DEPDC5: variants seen among roughly 807,000 people sequenced by gnomAD.
DEPDC5 encodes GATOR1 complex protein DEPDC5.
DEPDC5 carries 73 observed loss-of-function variants against 217.3 expected under a neutral mutation model. That is an observed-to-expected ratio of 0.34 (90% CI 0.28 to 0.41). The LOEUF is 0.41. DEPDC5 is among the 10% of genes least tolerant of loss of function. The pLI is 1.00. For missense variants in DEPDC5, 1,675 were observed against 2,070.1 expected (o/e 0.81, Z 3.70); for synonymous variants, 733 against 756.7 (o/e 0.97, Z 0.51).
At chr22:31,904,373 G>T (rs2093718946) in intron 41 of DEPDC5, among the ~76,000 whole-genome samples, 1 of 152,124 alleles carries the variant, frequency 6.6e-6, no homozygotes, top group Non-Finnish European at 1.5e-5. Context: ...AAGAAATGAG[G>T]TAAAAAAAAA....
At chr22:31,834,096 T>G (rs1438288231) in intron 25 of DEPDC5, 116 bp downstream of exon 25, 1 of 1,018,548 alleles carries the variant, frequency 9.8e-7, no homozygotes, top group African/African-American at 1.6e-5. Context: ...TACACATACC[T>G]CTGGGGTATG....
intron 30 of DEPDC5, 60 bp downstream of exon 30, chr22:31,845,297 C>T: frequency 6.4e-7 from 1 of 1,552,970 alleles, no homozygotes; most frequent in Non-Finnish European, 8.7e-7. Context: ...CTGCCACCTC[C>T]TCTATTAGGG....
In DEPDC5 at chr22:31,902,924, C is replaced by T. The variant is rs545419881; in HGVS notation, c.4436+1122C>T. On this transcript the variant is annotated intron_variant, in intron 41 of 42. Coordinates refer to ENST00000651528, the MANE Select transcript of DEPDC5 (RefSeq NM_001242896.3). Reference sequence around the variant, plus strand: ...TGCTTGCCCTGCTGGCAGGATGTCACTCAGAACGTGGCCTTTATTTGTTAA... The same window carrying T: ...TGCTTGCCCTGCTGGCAGGATGTCATTCAGAACGTGGCCTTTATTTGTTAA... 3.3e-5 allele frequency among the ~76,000 whole-genome samples: 5 copies of T among 152,160 alleles called. No homozygotes were observed. In the South Asian group the frequency reaches 1.0e-3, roughly 32 times the overall value.
In DEPDC5 at chr22:31,879,680, G is replaced by GCCT; in HGVS notation, c.3965_3967dup (p.Ser1322dup). 1 of 1,614,150 alleles carries GCCT rather than the reference G, an allele frequency of 6.2e-7. No homozygotes were observed. The highest frequency in any genetic ancestry group is 8.5e-7 in the Non-Finnish European group (1 of 1,180,028). On this transcript the variant is annotated inframe_insertion, in exon 38 of 43. Transcript: ENST00000651528. Reference sequence around the variant, plus strand: ...CCTGCCCTGGCTGCCTAGCCGGCCAGCCTCCTATGCAAGTAGGCACAGCTC... The same window carrying GCCT: ...CCTGCCCTGGCTGCCTAGCCGGCCAGCCTCCTCCTATGCAAGTAGGCACAGCTC...
intron 38 of DEPDC5, among the ~76,000 whole-genome samples, chr22:31,890,147 C>T (rs2093409489): frequency 6.6e-6 from 1 of 152,152 alleles, no homozygotes; most frequent in Non-Finnish European, 1.5e-5. Context: ...ACCTGATTCT[C>T]ATCCTGTCTC....
At chr22:31,850,404 GT>G (rs1232100224) in intron 31 of DEPDC5, among the ~76,000 whole-genome samples, 1 of 152,062 alleles carries the variant, frequency 6.6e-6, no homozygotes, top group East Asian at 1.9e-4. Flanking sequence ...CCACATTCAC[GT>G]AACTTTTCTT....
rs1343816074 is a variant in DEPDC5 at position 31,812,794 on chromosome 22, G to A, written c.1445+2153G>A. ...TTGCTCTTGTTGCCCAGGCTGGAGTGCAATGGTGTAATCTCAGCTCACCAC... is the reference window on the plus strand; with the variant it reads ...TTGCTCTTGTTGCCCAGGCTGGAGTACAATGGTGTAATCTCAGCTCACCAC... On this transcript the variant is annotated intron_variant, in intron 20 of 42. Transcript: ENST00000651528. Among the ~76,000 whole-genome samples the A allele has an allele frequency of 2.7e-5, 4 of 146,478 alleles. No homozygotes were observed. In the East Asian group the frequency reaches 8.1e-4, roughly 30 times the overall value.
In DEPDC5 at chr22:31,893,570, G is replaced by A; in HGVS notation, c.4034-12G>A. 6.4e-7 allele frequency: 1 copy of A among 1,574,202 alleles called. No homozygotes were observed. Among genetic ancestry groups the A allele is most frequent in the South Asian group, 1.2e-5 (1 of 85,150 alleles). On this transcript the variant is annotated splice_polypyrimidine_tract_variant and intron_variant, in intron 38 of 42. Transcript: ENST00000651528. The stretch of plus-strand genomic sequence containing the variant: ...CTCACTCTCTTGGGGCCCCTCCTGT[G>A]TGCTGACATAGCTGCCACTGTCCCA...
At chr22:31,874,196 C>A in intron 35 of DEPDC5, 77 bp from the exon 36 acceptor site, 1 of 1,534,326 alleles carries the variant, frequency 6.5e-7, no homozygotes, top group Non-Finnish European at 8.8e-7. Context: ...GGAGTCCCTT[C>A]TTTTTCATCT....
chr22:31,840,136 G>A (rs2091300552), intron 27 of DEPDC5, among the ~76,000 whole-genome samples: 1 of 152,206 alleles, frequency 6.6e-6, no homozygotes, highest in African/African-American at 2.4e-5. Flanking sequence ...GATAAAGGCT[G>A]AGGGAGAAGT....
Position 31,876,231 on chromosome 22 carries a change from C to T in DEPDC5, c.3771C>T (p.Phe1257=), listed in dbSNP as rs2092988267. 1.9e-6 allele frequency: 3 copies of T among 1,613,918 alleles called. No homozygotes were observed. The highest frequency in any genetic ancestry group is 2.5e-6 in the Non-Finnish European group (3 of 1,180,030). The part of the protein sequence containing the change: ...AWRTFIYGFY[F]YKIVTDKEPD... ...GGACCTTCATCTACGGCTTCTATTT[C>T]TACAAGATAGTAACGGACAAAGAGC... Residue 1257 remains phenylalanine (F), a synonymous_variant, in exon 37 of 43, where the codon TTC becomes TTT. Coordinates refer to ENST00000651528, the MANE Select transcript of DEPDC5 (RefSeq NM_001242896.3).
At chr22:31,894,784 G>A (rs1036637613) in intron 39 of DEPDC5, 2 of 151,454 alleles carry the variant, frequency 1.3e-5, no homozygotes. Context: ...GATGGAGGTT[G>A]TAGTGAGCCA....
chr22:31,830,633 G>A lies in DEPDC5; in HGVS notation c.2105-3282G>A, dbSNP rs1173182262. On this transcript the variant is annotated intron_variant, in intron 24 of 42. Coordinates refer to ENST00000651528, the MANE Select transcript of DEPDC5 (RefSeq NM_001242896.3). ...GCTTTTTCGGGGTATGCGTGTACGT[G>A]TGTGTGTGTGTGTGTGTGTGTGTGT... Among the ~76,000 whole-genome samples, 10 of 71,050 alleles carry A rather than the reference G, an allele frequency of 1.4e-4. 1 individual carries two copies. The highest frequency in any genetic ancestry group is 8.5e-4 in the South Asian group (2 of 2,358). The allele number at this position is 71,050 out of a possible 152,430, so 46.6% of individuals were successfully genotyped here.
At chr22:31,850,796 C>A (rs1043894481) in intron 31 of DEPDC5, among the ~76,000 whole-genome samples, 1 of 152,076 alleles carries the variant, frequency 6.6e-6, no homozygotes, top group Non-Finnish European at 1.5e-5. Flanking sequence ...TGAGGCCGGG[C>A]GCAGTGGCTC....
rs2087011420 is a variant in DEPDC5, at chr22:31,802,731, A to G, written c.974A>G (p.Asn325Ser). ...NVFDKHYINR[N>S]FDRTGQMSVV... Reference sequence around the variant, plus strand: ...TTTGATAAGCACTACATCAACCGCAACTTTGACCGAACTGGGCAGATGTCA... The same window carrying G: ...TTTGATAAGCACTACATCAACCGCAGCTTTGACCGAACTGGGCAGATGTCA... The change falls in exon 15 of 43, where the codon AAC (asparagine) becomes AGC (serine). Residue 325 changes from asparagine to serine, a missense_variant. Around this residue, in one of 11 missense-constraint regions of DEPDC5, gnomAD observed 628 missense variants for 762.1 expected, o/e 0.82. Coordinates refer to ENST00000651528, the MANE Select transcript of DEPDC5 (RefSeq NM_001242896.3). 1 of 1,591,058 alleles carries G rather than the reference A, an allele frequency of 6.3e-7. No homozygotes were observed. Among genetic ancestry groups the G allele is most frequent in the Non-Finnish European group, 8.6e-7 (1 of 1,169,316 alleles).
rs193042481 is a variant in DEPDC5, at chr22:31,815,161, C to T, written c.1615C>T (p.His539Tyr). The T allele has an allele frequency of 6.2e-7, 1 of 1,614,208 alleles. No individual in the cohort carries two copies. Residue 539 changes from histidine to tyrosine, a missense_variant, in exon 21 of 43, where the codon CAC becomes TAC. Around this residue, in one of 11 missense-constraint regions of DEPDC5, gnomAD observed 628 missense variants for 762.1 expected, o/e 0.82. Coordinates refer to ENST00000651528, the MANE Select transcript of DEPDC5 (RefSeq NM_001242896.3). ...CAACATCCTGATGATCCCACACCCC[C>T]ACCTGCACCAGTATGAAGTCAGCAG... ...SANILMIPHP[H>Y]LHQYEVSSSL... is the part of the protein sequence containing the mutation.
At chr22:31,902,430 A>ACT (rs1389557209) in intron 41 of DEPDC5, among the ~76,000 whole-genome samples, 1 of 134,990 alleles carries the variant, frequency 7.4e-6, no homozygotes, top group East Asian at 2.2e-4. Flanking sequence ...ATATATATAT[A>ACT]TATATACTTA....
At chr22:31,762,139 C>T (rs2082441746) in intron 4 of DEPDC5, among the ~76,000 whole-genome samples, 1 of 152,044 alleles carries the variant, frequency 6.6e-6, no homozygotes, top group Non-Finnish European at 1.5e-5. Context: ...AATGCCTACT[C>T]TGGGTGAGTA....
chr22:31,867,631 A>C (rs2092723619), intron 33 of DEPDC5, among the ~76,000 whole-genome samples: 2 of 152,234 alleles, frequency 1.3e-5, no homozygotes, highest in Admixed American at 6.5e-5. Flanking sequence ...CCATTCATTT[A>C]CATATTGCCT....
Sources: allele counts gnomAD v4.1 joint callset (sites outside exome capture counted in the v4.1 genomes callset), GRCh38; gene constraint gnomAD v4.1.1; regional missense constraint gnomAD v4.1.1; transcripts MANE v1.5; gene names NCBI Gene and HGNC (gene_info 2026-07-23, HGNC 2026-07-21).